PKD2L2: variants seen among roughly 807,000 people sequenced by gnomAD.
The protein encoded by PKD2L2 is polycystin-2-like protein 2.
In PKD2L2, 67 loss-of-function variants were observed where a neutral mutation model predicts 83.9. The observed-to-expected ratio is 0.80, with a 90% confidence interval of 0.66 to 0.98. The LOEUF is 0.98. Ranked by LOEUF, PKD2L2 falls within the 50% of genes least tolerant of loss-of-function variation. The pLI is 0.00. For synonymous variants in PKD2L2, 223 were observed against 237.8 expected (o/e 0.94, Z 0.57); for missense variants, 632 against 717.2 (o/e 0.88, Z 1.36).
At chr5:137,923,699 T>C (rs551742771) in intron 10 of PKD2L2, among the ~76,000 whole-genome samples, 178 bp downstream of exon 10, 1 of 152,308 alleles carries the variant, frequency 6.6e-6, no homozygotes, top group South Asian at 2.1e-4. Flanking sequence ...CATTATTTCA[T>C]TATTACAGAA....
At chr5:137,935,055 C>T (rs1435231663) in intron 12 of PKD2L2, among the ~76,000 whole-genome samples, 1 of 152,224 alleles carries the variant, frequency 6.6e-6, no homozygotes, top group Non-Finnish European at 1.5e-5. Context: ...CACTTTGCTA[C>T]CTAGCATTAT....
At chr5:137,935,412 C>T (rs1333654222) in intron 12 of PKD2L2, among the ~76,000 whole-genome samples, 1 of 152,066 alleles carries the variant, frequency 6.6e-6, no homozygotes, top group Non-Finnish European at 1.5e-5. Flanking sequence ...CCAAAAATAC[C>T]CACAGATACA....
intron 8 of PKD2L2, among the ~76,000 whole-genome samples, chr5:137,919,552 G>A (rs1230068824): frequency 1.3e-5 from 2 of 150,710 alleles, no homozygotes; most frequent in African/African-American, 4.8e-5. Flanking sequence ...AAAGATCATG[G>A]CAGAAACACT....
Position 137,925,923 on chromosome 5 carries a change from C to A in PKD2L2, c.1665C>A (p.Asp555Glu). The A allele has an allele frequency of 1.3e-6, 2 of 1,583,180 alleles. No individual in the cohort carries two copies. Among genetic ancestry groups the A allele is most frequent in the African/African-American group, 2.7e-5 (2 of 74,562 alleles). The change falls in exon 12 of 15, where the codon GAC (aspartate) becomes GAA (glutamate). Residue 555 changes from aspartate to glutamate, a missense_variant. Coordinates refer to ENST00000508883, the MANE Select transcript of PKD2L2 (RefSeq NM_001300921.2). ...LAEQARREGFDENEIQNAEQM... is the reference protein window; with the variant it reads ...LAEQARREGFEENEIQNAEQM... Reference sequence around the variant, plus strand: ...AACAAGCCAGAAGAGAAGGCTTTGACGAAAATGTAAGATTTTAATTTTTTT... The same window carrying A: ...AACAAGCCAGAAGAGAAGGCTTTGAAGAAAATGTAAGATTTTAATTTTTTT...
At chr5:137,904,097 A>G (rs996824680) in intron 5 of PKD2L2, among the ~76,000 whole-genome samples, 1 of 152,176 alleles carries the variant, frequency 6.6e-6, no homozygotes, top group Non-Finnish European at 1.5e-5. Context: ...TAATCTCAGC[A>G]CAAGCATGAA....
intron 4 of PKD2L2, among the ~76,000 whole-genome samples, chr5:137,895,877 CAAAAA>C (rs375612119): frequency 1.1e-5 from 1 of 90,144 alleles, no homozygotes. Context: ...GACACAGTCT[CAAAAA>C]AAAAAAAAAA....
chr5:137,938,644 T>G (rs867317020), intron 14 of PKD2L2: 5 of 152,428 alleles, frequency 3.3e-5, no homozygotes, highest in African/African-American at 4.8e-5. Context: ...AGGTTTTCCC[T>G]CACCCCCCAC....
At chr5:137,926,047 C>T (rs556214736) in intron 12 of PKD2L2, 118 bp downstream of exon 12, 14 of 586,686 alleles carry the variant, frequency 2.4e-5, no homozygotes, top group Admixed American at 5.7e-5. Flanking sequence ...TAATTGTCAT[C>T]TCCAAATAAA....
intron 5 of PKD2L2, among the ~76,000 whole-genome samples, chr5:137,901,117 CAA>C (rs923818761): frequency 7.0e-6 from 1 of 143,722 alleles, no homozygotes; most frequent in African/African-American, 2.6e-5. Context: ...GCCTGGACAA[CAA>C]GAGCAAAACT....
intron 12 of PKD2L2, among the ~76,000 whole-genome samples, chr5:137,932,726 T>A (rs1206738440): frequency 6.6e-6 from 1 of 152,146 alleles, no homozygotes; most frequent in East Asian, 1.9e-4. Flanking sequence ...CCCAGAAGTG[T>A]TTTAGAGTTC....
In PKD2L2 at chr5:137,899,677, G is replaced by C; in HGVS notation, c.686G>C (p.Arg229Thr). ...AACAGCTGGATCACAAGAGGGACTA[G>C]AGTTATTTTTATTGATTTTTCCTTA... The part of the protein sequence containing the change: ...RLNSWITRGT[R>T]VIFIDFSLYN... Residue 229 changes from arginine (R) to threonine (T), a missense_variant, in exon 5 of 15, where the codon AGA becomes ACA. Physicochemically the swap from Arg to Thr is moderately conservative, Grantham distance 71. Around this residue, in one of 3 missense-constraint regions of PKD2L2, gnomAD observed 229 missense variants for 281.5 expected, o/e 0.81. Coordinates refer to ENST00000508883, the MANE Select transcript of PKD2L2 (RefSeq NM_001300921.2). 2 of 1,613,090 alleles carry C rather than the reference G, an allele frequency of 1.2e-6. No individual in the cohort carries two copies. Among genetic ancestry groups the C allele is most frequent in the Non-Finnish European group, 1.7e-6 (2 of 1,179,164 alleles).
At chr5:137,893,936 C>T (rs1227871087) in intron 3 of PKD2L2, among the ~76,000 whole-genome samples, 1 of 152,124 alleles carries the variant, frequency 6.6e-6, no homozygotes, top group Non-Finnish European at 1.5e-5. Context: ...CATCTTAGAA[C>T]GATCAGCAAG....
At chr5:137,928,660 G>A (rs559997324) in intron 12 of PKD2L2, among the ~76,000 whole-genome samples, 7 of 152,268 alleles carry the variant, frequency 4.6e-5, no homozygotes, top group Non-Finnish European at 8.8e-5. Context: ...TCGAGCTTCC[G>A]GGCTCAAGTG....
Position 137,912,801 on chromosome 5 carries a change from C to CTTTTTTT in PKD2L2, c.1328+3858_1328+3859insTTTTTTT, listed in dbSNP as rs71583287. Among the ~76,000 whole-genome samples the CTTTTTTT allele has an allele frequency of 3.0e-4, 30 of 99,814 alleles. 4 individuals carry two copies. The highest frequency in any genetic ancestry group is 3.6e-4 in the Non-Finnish European group (18 of 49,942). The allele number at this position is 99,814 out of a possible 152,430, so 65.5% of individuals were successfully genotyped here. A position where few individuals can be genotyped will look rare whatever the true frequency, so the allele number is the denominator to read the frequency against. ...TTAAATTGGATTATTTGTTTTCTTT[C>CTTTTTTT]TTTCTTTTTTTTTTTTTTTTGAGAT... On this transcript the variant is annotated intron_variant, in intron 8 of 14. Coordinates refer to ENST00000508883, the MANE Select transcript of PKD2L2 (RefSeq NM_001300921.2).
chr5:137,940,419 T>C (rs1401268917), intron 14 of PKD2L2: 15 of 1,011,098 alleles, frequency 1.5e-5, no homozygotes, highest in Non-Finnish European at 1.8e-5. Context: ...GTTGTCTTAA[T>C]ATGAGACATA....
chr5:137,909,047 T>C, intron 8 of PKD2L2, 101 bp downstream of exon 8: 1 of 659,724 alleles, frequency 1.5e-6, no homozygotes, highest in Non-Finnish European at 2.6e-6. Context: ...TAAGCTTTAA[T>C]ATATTTAAAC....
chr5:137,941,705 T>TA (rs1335372184), intron 14 of PKD2L2, among the ~76,000 whole-genome samples: 1 of 152,152 alleles, frequency 6.6e-6, no homozygotes, highest in Non-Finnish European at 1.5e-5. Flanking sequence ...ATCACTGCAA[T>TA]ACAACCAAGG....
At chr5:137,897,422 A>G (rs959751339) in intron 4 of PKD2L2, among the ~76,000 whole-genome samples, 1 of 152,190 alleles carries the variant, frequency 6.6e-6, no homozygotes, top group African/African-American at 2.4e-5. Context: ...TAAAGCAATT[A>G]TTTACACCTT....
rs762917501 is a variant in PKD2L2, at chr5:137,925,065, T to A, written c.1577T>A (p.Phe526Tyr). 2.7e-5 allele frequency: 44 copies of A among 1,604,310 alleles called. No homozygotes were observed. Among genetic ancestry groups the A allele is most frequent in the Non-Finnish European group, 1.7e-5 (20 of 1,171,434 alleles). ...KQSYKNVLEK[F>Y]RLKKAQKDED... is the part of the protein sequence containing the mutation. The stretch of plus-strand genomic sequence containing the variant: ...AGTTACAAAAATGTTCTCGAGAAAT[T>A]CAGACTGAAGAAAGCTCAAAAAGAT... Residue 526 changes from phenylalanine (F) to tyrosine (Y), a missense_variant, in exon 11 of 15, where the codon TTC becomes TAC. Phe to Tyr is a conservative substitution (Grantham distance 22). Around this residue, in one of 3 missense-constraint regions of PKD2L2, gnomAD observed 399 missense variants for 416.9 expected, o/e 0.96. Transcript: ENST00000508883.
Sources: allele counts gnomAD v4.1 joint callset (sites outside exome capture counted in the v4.1 genomes callset), GRCh38; gene constraint gnomAD v4.1.1; regional missense constraint gnomAD v4.1.1; transcripts MANE v1.5; gene names NCBI Gene and HGNC (gene_info 2026-07-23, HGNC 2026-07-21).